The following ZHX2 variants were observed in gnomAD, a reference collection of about 807,000 sequenced individuals.
ZHX2 encodes the protein zinc fingers and homeoboxes protein 2.
A neutral mutation model predicts 21.9 loss-of-function variants in ZHX2; 6 were observed. That is an observed-to-expected ratio of 0.27 (90% CI 0.15 to 0.54). The LOEUF (loss-of-function observed/expected upper bound fraction) is 0.54. Ranked by LOEUF, ZHX2 falls within the 20% of genes least tolerant of loss-of-function variation. The pLI is 0.95. For missense variants in ZHX2, 908 were observed against 1,090.7 expected, an observed-to-expected ratio of 0.83 and a Z score of 2.36; for synonymous variants, 434 against 437.1, an observed-to-expected ratio of 0.99 and a Z score of 0.09.
chr8:122,852,123 G>A (rs919745418), intron 1 of ZHX2, among the ~76,000 whole-genome samples: 7 of 152,048 alleles, frequency 4.6e-5, no homozygotes, highest in Non-Finnish European at 1.0e-4. Flanking sequence ...TTGATGGCCC[G>A]GAATGCTCTA....
intron 1 of ZHX2, among the ~76,000 whole-genome samples, chr8:122,862,583 G>A (rs1330227767): frequency 6.6e-6 from 1 of 152,178 alleles, no homozygotes; most frequent in African/African-American, 2.4e-5. Flanking sequence ...CCCCAGGTCA[G>A]GTGTGCGAGG....
At chr8:122,881,600 T>A (rs1819714789) in intron 2 of ZHX2, among the ~76,000 whole-genome samples, 1 of 152,194 alleles carries the variant, frequency 6.6e-6, no homozygotes, top group African/African-American at 2.4e-5. Flanking sequence ...TAGGTAGAGA[T>A]GAAGTAGAAT....
chr8:122,954,020 C>T lies in ZHX2; in HGVS notation c.2510C>T (p.Ala837Val). The T allele has an allele frequency of 1.3e-6, 2 of 1,582,608 alleles. No individual in the cohort carries two copies. Among genetic ancestry groups the T allele is most frequent in the South Asian group, 2.3e-5 (2 of 86,132 alleles). The change falls in exon 3 of 4, where the codon GCC (alanine) becomes GTC (valine). Residue 837 changes from alanine (A) to valine (V), a missense_variant. By Grantham distance (64) the Ala-to-Val change is moderately conservative (BLOSUM62 0). Coordinates refer to ENST00000314393, the MANE Select transcript of ZHX2 (RefSeq NM_014943.5). ...TGCGTCCCTGCAGAGGCTGGCCAGGCCTAGACAGGTAATTCCACCTGCTCA... is the reference window on the plus strand; with the variant it reads ...TGCGTCCCTGCAGAGGCTGGCCAGGTCTAGACAGGTAATTCCACCTGCTCA... ...SDCVPAEAGQ[A>V]
chr8:122,967,692 C>A (rs141940919), intron 3 of ZHX2, among the ~76,000 whole-genome samples: 111 of 152,332 alleles, frequency 7.3e-4, no homozygotes, highest in African/African-American at 2.4e-3. Context: ...ATGTTGCAGG[C>A]AGTGGCATTA....
intron 1 of ZHX2, among the ~76,000 whole-genome samples, chr8:122,857,496 G>C (rs1819055377): frequency 6.6e-6 from 1 of 152,162 alleles, no homozygotes; most frequent in African/African-American, 2.4e-5. Flanking sequence ...TTCTAGAGTT[G>C]AATTCAGTAT....
At chr8:122,890,174 G>A (rs1385211514) in intron 2 of ZHX2, among the ~76,000 whole-genome samples, 3 of 152,046 alleles carry the variant, frequency 2.0e-5, no homozygotes, top group East Asian at 1.9e-4. Context: ...TCTTCTGTGC[G>A]TGGATATTCA....
intron 2 of ZHX2, among the ~76,000 whole-genome samples, chr8:122,864,930 GT>G (rs1170977482): frequency 2.6e-5 from 4 of 152,206 alleles, no homozygotes; most frequent in Non-Finnish European, 5.9e-5. Flanking sequence ...AGCTGCAACA[GT>G]AAATATTTAC....
chr8:122,860,243 A>C (rs117269513), intron 1 of ZHX2, among the ~76,000 whole-genome samples: 4,762 of 152,304 alleles, frequency 0.031, 120 homozygotes, highest in Non-Finnish European at 0.045. Flanking sequence ...AACCACGCTC[A>C]TGATTCAATT....
intron 2 of ZHX2, among the ~76,000 whole-genome samples, chr8:122,917,247 G>A (rs1313258387): frequency 6.6e-6 from 1 of 151,934 alleles, no homozygotes; most frequent in Non-Finnish European, 1.5e-5. Flanking sequence ...AGGGAGCATT[G>A]CAGGTGTTCT....
intron 1 of ZHX2, among the ~76,000 whole-genome samples, chr8:122,849,234 T>C (rs749597425): frequency 6.6e-6 from 1 of 152,082 alleles, no homozygotes; most frequent in East Asian, 1.9e-4. Context: ...CGTTTCCCCA[T>C]TGGAGATGTG....
chr8:122,887,782 T>A (rs141040169), intron 2 of ZHX2, among the ~76,000 whole-genome samples: 1 of 151,608 alleles, frequency 6.6e-6, no homozygotes, highest in African/African-American at 2.4e-5. Flanking sequence ...CTGAGAAAGG[T>A]TTTTCCAGGT....
intron 1 of ZHX2, among the ~76,000 whole-genome samples, chr8:122,840,277 C>G (rs1483027003): frequency 6.6e-6 from 1 of 152,204 alleles, no homozygotes; most frequent in East Asian, 1.9e-4. Context: ...CACAGTTACT[C>G]TTTCCTAACT....
At chr8:122,816,275 CT>C in intron 1 of ZHX2, 1 of 152,118 alleles carries the variant, frequency 6.6e-6, no homozygotes, top group Admixed American at 6.5e-5. Flanking sequence ...ATGTGTACTG[CT>C]GTTGCTTATT....
At chr8:122,790,416 C>G (rs1240019223) in intron 1 of ZHX2, among the ~76,000 whole-genome samples, 1 of 152,140 alleles carries the variant, frequency 6.6e-6, no homozygotes, top group Non-Finnish European at 1.5e-5. Context: ...AGTCAGCACT[C>G]ACTGAGCACC....
chr8:122,911,562 CAAAG>C (rs1820482058), intron 2 of ZHX2, among the ~76,000 whole-genome samples: 2 of 152,122 alleles, frequency 1.3e-5, no homozygotes, highest in South Asian at 2.1e-4. Context: ...AGGGAAGAGA[CAAAG>C]AAATATTAGT....
chr8:122,868,064 T>C (rs1819340764), intron 2 of ZHX2, among the ~76,000 whole-genome samples: 1 of 152,206 alleles, frequency 6.6e-6, no homozygotes, highest in East Asian at 1.9e-4. Context: ...TGGACGAATG[T>C]CTTTGTGACA....
intron 1 of ZHX2, among the ~76,000 whole-genome samples, chr8:122,846,995 C>A (rs1228080247): frequency 6.6e-6 from 1 of 152,132 alleles, no homozygotes; most frequent in African/African-American, 2.4e-5. Flanking sequence ...GTACTCAGAA[C>A]AGGGCCTGCA....
chr8:122,941,271 T>G (rs538023552), intron 2 of ZHX2, among the ~76,000 whole-genome samples: 22 of 152,278 alleles, frequency 1.4e-4, no homozygotes, highest in Middle Eastern at 6.8e-3. Flanking sequence ...TGTAAAAGAT[T>G]GTGCATGTAA....
In ZHX2 at chr8:122,953,104, A is replaced by G. The variant is rs1813176625; in HGVS notation, c.1594A>G (p.Lys532Glu). The part of the protein sequence containing the change: ...YHAYPDFAPQ[K>E]FKEKTQGQVK... ...TGCGTACCCAGACTTTGCCCCCCAG[A>G]AGTTCAAAGAGAAAACACAGGGTCA... The change falls in exon 3 of 4, where the codon AAG becomes GAG. Residue 532 changes from lysine to glutamate, a missense_variant. Lys to Glu is a moderately conservative substitution (Grantham distance 56, BLOSUM62 1). Coordinates refer to ENST00000314393, the MANE Select transcript of ZHX2 (RefSeq NM_014943.5). This position sits in a 1 kb window ranked among gnomAD's most constrained non-coding sequence, Gnocchi z 4.6. 1 of 1,613,896 alleles carries G rather than the reference A, an allele frequency of 6.2e-7. No homozygotes were observed.
Sources: gnomAD v4.1 joint callset for allele counts (sites outside exome capture counted in the v4.1 genomes callset) on GRCh38, gnomAD v4.1.1 for gene constraint, Gnocchi (gnomAD v3.1) non-coding constraint, MANE v1.5 for transcripts, NCBI Gene and HGNC (gene_info 2026-07-23, HGNC 2026-07-21) for gene names.